The following TRIM74 variants were observed in gnomAD, a reference collection of about 807,000 sequenced individuals.
The protein encoded by TRIM74 is tripartite motif-containing protein 74.
In TRIM74, 3 loss-of-function variants were observed where a neutral mutation model predicts 14.5. The observed-to-expected ratio is 0.21, with a 90% CI of 0.09 to 0.53. The LOEUF (loss-of-function observed/expected upper bound fraction) is 0.53. Ranked by LOEUF, TRIM74 falls within the 20% of genes least tolerant of loss-of-function variation. The pLI, the probability that TRIM74 is intolerant of heterozygous loss-of-function variation, is 0.95. For missense variants in TRIM74, 26 were observed against 174.0 expected (o/e 0.15, Z 4.79); for synonymous variants, 10 against 71.3 (o/e 0.14, Z 4.33).
At chr7:72,955,111 A>ATATATATATATATATTTTT (rs1346659193), downstream of TRIM74, 2 of 112,060 alleles carry the variant, frequency 1.8e-5, no homozygotes, top group African/African-American at 8.3e-5. Context: ...ATATATATAT[A>ATATATATATATATATTTTT]TTTTTTTTTT....
intron 1 of TRIM74, among the ~76,000 whole-genome samples, chr7:72,967,412 C>T (rs1798313394): frequency 1.3e-5 from 2 of 152,238 alleles, no homozygotes; most frequent in Non-Finnish European, 1.5e-5. Flanking sequence ...CACGTGCCAC[C>T]ATGCCAAGCT....
downstream of TRIM74, among the ~76,000 whole-genome samples, chr7:72,955,536 G>C (rs1351049799): frequency 6.7e-6 from 1 of 149,080 alleles, no homozygotes; most frequent in Non-Finnish European, 1.5e-5. Flanking sequence ...CATGATACCT[G>C]CCACTCACCC....
At chr7:72,963,793 C>T (rs1798228286) in intron 2 of TRIM74, among the ~76,000 whole-genome samples, 1 of 128,198 alleles carries the variant, frequency 7.8e-6, no homozygotes, top group South Asian at 3.0e-4. Flanking sequence ...GACAATCTCC[C>T]AGCCTGTTCC....
intron 1 of TRIM74, among the ~76,000 whole-genome samples, chr7:72,966,384 C>CGTGTGTGT (rs58047233): frequency 2.9e-3 from 376 of 131,226 alleles, no homozygotes; most frequent in East Asian, 7.5e-3. Context: ...CTTGAAGATA[C>CGTGTGTGT]GTGTGTGTGT....
downstream of TRIM74, chr7:72,955,106 TATA>T (rs1322074387): frequency 2.3e-3 from 349 of 150,772 alleles, 1 homozygote; most frequent in African/African-American, 5.4e-3. Flanking sequence ...TATATATATA[TATA>T]TATTTTTTTT....
chr7:72,959,337 G>A, downstream of TRIM74: 1 of 163,450 alleles, frequency 6.1e-6, no homozygotes, highest in Non-Finnish European at 1.3e-5. Flanking sequence ...CTAGTGTTTT[G>A]TTTTCTGAGA....
At chr7:72,962,743 G>A (rs1798192025) in intron 2 of TRIM74, among the ~76,000 whole-genome samples, 1 of 115,484 alleles carries the variant, frequency 8.7e-6, no homozygotes, top group Non-Finnish European at 1.8e-5. Context: ...AGGCATAAGA[G>A]GGTCTCGATG....
At chr7:72,963,240 C>T (rs1378600923) in intron 2 of TRIM74, among the ~76,000 whole-genome samples, 1 of 152,308 alleles carries the variant, frequency 6.6e-6, no homozygotes, top group African/African-American at 2.4e-5. Context: ...TGCCCAAGCA[C>T]CAGAGAGCTG....
chr7:72,963,359 T>TAAGAACAGCATTCC (rs1488287869), intron 2 of TRIM74, among the ~76,000 whole-genome samples: 1 of 149,988 alleles, frequency 6.7e-6, no homozygotes, highest in Middle Eastern at 3.2e-3. Flanking sequence ...CACAGAGGCC[T>TAAGAACAGCATTCC]AAGAACAGCA....
chr7:72,956,347 A>AAAAT (rs1201924734), downstream of TRIM74, among the ~76,000 whole-genome samples: 66 of 100,242 alleles, frequency 6.6e-4, 1 homozygote, highest in African/African-American at 2.1e-3. Context: ...CTTTCCCCAA[A>AAAAT]AAATAAATAA....
chr7:72,957,067 C>T (rs1554505770), downstream of TRIM74, among the ~76,000 whole-genome samples: 1 of 151,104 alleles, frequency 6.6e-6, no homozygotes, highest in Non-Finnish European at 1.5e-5. Context: ...TTGCAGTGAG[C>T]CGAGATCACA....
rs1798372915 is a variant in TRIM74, at chr7:72,969,439, GC to G, written c.-174del. On this transcript the variant is annotated 5_prime_UTR_variant, in exon 1 of 5. An upstream open reading frame in the 5' UTR gains an earlier in-frame stop. Transcript: ENST00000285805. ...ACGCTCTGGTTACATGCCCCGCCTG[GC>G]GCTCCCGCACATGCCCCATCATGCT... The G allele has an allele frequency of 1.7e-6, 1 of 573,778 alleles. No homozygotes were observed. The highest frequency in any genetic ancestry group is 3.1e-6 in the Non-Finnish European group (1 of 325,088). 35.5% of individuals were successfully genotyped at this position (573,778 alleles called of 1,614,324 possible). A position where few individuals can be genotyped will look rare whatever the true frequency, so the allele number is the denominator to read the frequency against.
At chr7:72,967,151 GCACACTGTCCA>G (rs1361972823) in intron 1 of TRIM74, among the ~76,000 whole-genome samples, 2 of 152,424 alleles carry the variant, frequency 1.3e-5, no homozygotes, top group African/African-American at 4.8e-5. Context: ...GAGGGACTAG[GCACACTGTCCA>G]CACCTCACGA....
At chr7:72,966,489 C>T (rs373731361) in intron 1 of TRIM74, among the ~76,000 whole-genome samples, 208 of 115,584 alleles carry the variant, frequency 1.8e-3, no homozygotes, top group Middle Eastern at 4.2e-3. Context: ...TGCAGTGACA[C>T]TAATAATGCA....
downstream of TRIM74, among the ~76,000 whole-genome samples, chr7:72,955,753 G>A (rs1425629028): frequency 1.5e-5 from 2 of 134,182 alleles, no homozygotes; most frequent in East Asian, 4.7e-4. Context: ...GCTCACTGCA[G>A]CCTCGAACTC....
chr7:72,966,832 C>A (rs1798290226), intron 1 of TRIM74: 1 of 102,652 alleles, frequency 9.7e-6, no homozygotes. Context: ...CATTGGAATA[C>A]CTAGCTTCTC....
chr7:72,955,111 A>ATATT (rs1346659193), downstream of TRIM74: 56 of 113,006 alleles, frequency 5.0e-4, no homozygotes, highest in Middle Eastern at 4.6e-3. Context: ...ATATATATAT[A>ATATT]TTTTTTTTTT....
In TRIM74 at chr7:72,960,106, TGCTCCA is replaced by T. The variant is rs782605698; in HGVS notation, c.635_640del (p.Leu212_Glu213del). 3 of 1,606,990 alleles carry T rather than the reference TGCTCCA, an allele frequency of 1.9e-6. No homozygotes were observed. Among genetic ancestry groups the T allele is most frequent in the Non-Finnish European group, 2.5e-6 (3 of 1,177,942 alleles). On this transcript the variant is annotated inframe_deletion, in exon 4 of 5. Transcript: ENST00000285805. ...CAGCCGCTCCCGGGTTCCCTGGGCCTGCTCCAGCTGCATGTCCAGGGAGGCCACCAG... is the reference window on the plus strand; with the variant it reads ...CAGCCGCTCCCGGGTTCCCTGGGCCTGCTGCATGTCCAGGGAGGCCACCAG...
Position 72,969,294 on chromosome 7 carries a change from G to C in TRIM74, c.-28C>G. The C allele has an allele frequency of 3.2e-6, 1 of 311,400 alleles. No homozygotes were observed. The highest frequency in any genetic ancestry group is 3.5e-5 in the South Asian group (1 of 28,336). The allele number at this position is 311,400 out of a possible 1,614,324, so 19.3% of individuals were successfully genotyped here. ...CGCTCTCATTACGTACCCAGCCTCCGGCCCCTGTAAGTGCCCCATCGTGCT... is the reference window on the plus strand; with the variant it reads ...CGCTCTCATTACGTACCCAGCCTCCCGCCCCTGTAAGTGCCCCATCGTGCT... On this transcript the variant is annotated 5_prime_UTR_variant, in exon 1 of 5. Transcript: ENST00000285805.
Sources: allele counts gnomAD v4.1 joint callset (sites outside exome capture counted in the v4.1 genomes callset), GRCh38; gene constraint gnomAD v4.1.1; transcripts MANE v1.5; gene names NCBI Gene and HGNC (gene_info 2026-07-23, HGNC 2026-07-21).